Variants in PF4 observed in about 807,000 individuals in gnomAD.
The protein encoded by PF4 is platelet factor 4.
Under a neutral mutation model 6.9 loss-of-function variants are expected in PF4, and 8 were observed. That is an observed-to-expected ratio of 1.16 (90% confidence interval 0.68 to 2.09). The LOEUF (loss-of-function observed/expected upper bound fraction) is 2.09, where lower values mean the gene tolerates loss of function less well. Among genes scored for constraint, PF4 ranks in the 30% most tolerant of loss-of-function variants. The pLI, the probability that PF4 is intolerant of heterozygous loss-of-function variation, is 0.00. For missense variants in PF4, 111 were observed against 122.9 expected (o/e 0.90, Z 0.46); for synonymous variants, 55 against 56.5 (o/e 0.97, Z 0.12).
rs774670149 is a variant in PF4 at position 73,981,874 on chromosome 4, G to A, written c.80C>T (p.Ala27Val). The A allele has an allele frequency of 6.4e-7, 1 of 1,551,304 alleles. No individual in the cohort carries two copies. The highest frequency in any genetic ancestry group is 1.2e-5 in the South Asian group (1 of 84,042). Residue 27 changes from alanine to valine, a missense_variant, in exon 1 of 3, where the codon GCC (alanine) becomes GTC (valine). Ala to Val is a moderately conservative substitution (Grantham distance 64). Transcript: ENST00000296029. Reference sequence around the variant, plus strand: ...GCTTCTGCTCTCACCGCTGGCGAAGGCGACCACAAGTGGCAGGAGCAGCAA... The same window carrying A: ...GCTTCTGCTCTCACCGCTGGCGAAGACGACCACAAGTGGCAGGAGCAGCAA... ...LGLLLLPLVV[A>V]FASAEAEEDG... is the part of the protein sequence containing the mutation.
At position 73,981,374 on chromosome 4, in the gene PF4, GGCACGGAGCGGGAGCACTGACAGAT is replaced by G; in HGVS notation, c.218+18_218+42del. 6.2e-7 allele frequency: 1 copy of G among 1,614,010 alleles called. No individual in the cohort carries two copies. Among genetic ancestry groups the G allele is most frequent in the South Asian group, 1.1e-5 (1 of 91,086 alleles). On this transcript the variant is annotated intron_variant, in intron 2 of 2. Coordinates refer to ENST00000296029, the MANE Select transcript of PF4 (RefSeq NM_002619.4). ...AGAAGGGGGAGGGTTGGGCAGAGGA[GGCACGGAGCGGGAGCACTGACAGAT>G]GCAGTGCAAGGACTCACATCAGTTG...
At chr4:73,981,827 C>T (rs1467983523) in intron 1 of PF4, 36 bp downstream of exon 1, 3 of 1,548,040 alleles carry the variant, frequency 1.9e-6, no homozygotes, top group Middle Eastern at 1.9e-4. Flanking sequence ...TCCCCCTCGC[C>T]GCTGCCAGCC....
chr4:73,981,134 C>G lies in PF4; in HGVS notation c.*70G>C. On this transcript the variant is annotated 3_prime_UTR_variant, in exon 3 of 3. Transcript: ENST00000296029. ...ATAACACAAATATCAGAAGTTCTTTCACAGTTAGATTGAAACTGGAAAAAA... is the reference window on the plus strand; with the variant it reads ...ATAACACAAATATCAGAAGTTCTTTGACAGTTAGATTGAAACTGGAAAAAA... 9.6e-7 allele frequency: 1 copy of G among 1,042,036 alleles called. No individual in the cohort carries two copies. The highest frequency in any genetic ancestry group is 1.5e-6 in the Non-Finnish European group (1 of 674,454). The allele number at this position is 1,042,036 out of a possible 1,614,324, so 64.5% of individuals were successfully genotyped here.
chr4:73,981,571 A>T (rs778846371), intron 1 of PF4, 28 bp from the exon 2 acceptor site: 7 of 1,599,804 alleles, frequency 4.4e-6, no homozygotes, highest in Non-Finnish European at 6.0e-6. Flanking sequence ...AGGGTAAGAG[A>T]GGAGGAGGGG....
In PF4 at chr4:73,981,153, G is replaced by A. The variant is rs780573464; in HGVS notation, c.*51C>T. On this transcript the variant is annotated 3_prime_UTR_variant, in exon 3 of 3. Transcript: ENST00000296029. ...TTCTTTCACAGTTAGATTGAAACTGGAAAAAAGAAGTATGCTATATAGCAA... is the reference window on the plus strand; with the variant it reads ...TTCTTTCACAGTTAGATTGAAACTGAAAAAAAGAAGTATGCTATATAGCAA... 22 of 1,257,800 alleles carry A rather than the reference G, an allele frequency of 1.7e-5. No homozygotes were observed. The East Asian group carries it at 4.6e-4, about 27-fold the overall frequency. 77.9% of individuals were successfully genotyped at this position (1,257,800 alleles called of 1,614,324 possible).
At chr4:73,982,097 C>A (rs956751632), upstream of PF4, 19 of 464,928 alleles carry the variant, frequency 4.1e-5, no homozygotes, top group Non-Finnish European at 6.8e-5. Context: ...AAGTGGACAC[C>A]GAGGAACTGC....
Position 73,981,410 on chromosome 4 carries a change from G to T in PF4, c.218+7C>A. 1 of 1,614,184 alleles carries T rather than the reference G, an allele frequency of 6.2e-7. No homozygotes were observed. Among genetic ancestry groups the T allele is most frequent in the East Asian group, 2.2e-5 (1 of 44,878 alleles). ...GGAGCACTGACAGATGCAGTGCAAG[G>T]ACTCACATCAGTTGGGCAGTGGGGC... On this transcript the variant is annotated splice_region_variant and intron_variant, in intron 2 of 2. Coordinates refer to ENST00000296029, the MANE Select transcript of PF4 (RefSeq NM_002619.4).
chr4:73,981,048 A>G lies in PF4; in HGVS notation c.*156T>C, dbSNP rs935827112. The G allele has an allele frequency of 4.8e-6, 3 of 621,002 alleles. No individual in the cohort carries two copies. Among genetic ancestry groups the G allele is most frequent in the Non-Finnish European group, 8.3e-6 (3 of 360,220 alleles). 38.5% of individuals were successfully genotyped at this position (621,002 alleles called of 1,614,324 possible). ...GTGTCAACACAATTTTTGCACTATTATTAAGAAGTATTTTGACTATACTAC... is the reference window on the plus strand; with the variant it reads ...GTGTCAACACAATTTTTGCACTATTGTTAAGAAGTATTTTGACTATACTAC... On this transcript the variant is annotated 3_prime_UTR_variant, in exon 3 of 3. Transcript: ENST00000296029.
rs1252843346 is a variant in PF4 at position 73,980,889 on chromosome 4, A to G, written c.*315T>C. On this transcript the variant is annotated 3_prime_UTR_variant, in exon 3 of 3. Transcript: ENST00000296029. ...GGTCAAGGTAAATATGTAGCTATAA[A>G]GTACTGCAATCATGTAAATGCATGA... Among the ~76,000 whole-genome samples, 1 of 152,272 alleles carries G rather than the reference A, an allele frequency of 6.6e-6. No homozygotes were observed. Among genetic ancestry groups the G allele is most frequent in the Non-Finnish European group, 1.5e-5 (1 of 68,050 alleles).
intron 2 of PF4, 22 bp from the exon 3 acceptor site, chr4:73,981,313 A>G (rs572992978): frequency 2.5e-5 from 40 of 1,614,078 alleles, no homozygotes; most frequent in Non-Finnish European, 3.1e-5. Context: ...AAGAGAAGAG[A>G]TGTGACTTTC....
At chr4:73,981,384 G>T (rs773399979) in intron 2 of PF4, 33 bp downstream of exon 2, 5 of 1,614,064 alleles carry the variant, frequency 3.1e-6, no homozygotes, top group East Asian at 2.2e-5. Context: ...GGCACGGAGC[G>T]GGAGCACTGA....
rs1211023006 is a variant in PF4, at chr4:73,981,222, C to A, written c.288G>T (p.Lys96Asn). 6.2e-7 allele frequency: 1 copy of A among 1,614,042 alleles called. No individual in the cohort carries two copies. Among genetic ancestry groups the A allele is most frequent in the Non-Finnish European group, 8.5e-7 (1 of 1,179,884 alleles). The change falls in exon 3 of 3, where the codon AAG becomes AAT. Residue 96 changes from lysine (K) to asparagine (N), a missense_variant. Transcript: ENST00000296029. ...LQAPLYKKII[K>N]KLLES is the part of the protein sequence containing the mutation. ...CTAGTAGCTAACTCTCCAAAAGTTT[C>A]TTAATTATTTTCTTGTACAGCGGGG... is the stretch of plus-strand genomic sequence containing the variant.
chr4:73,981,884 G>A lies in PF4; in HGVS notation c.70C>T (p.Leu24Phe). 6.4e-7 allele frequency: 1 copy of A among 1,551,354 alleles called. No homozygotes were observed. The highest frequency in any genetic ancestry group is 8.7e-7 in the Non-Finnish European group (1 of 1,146,928). The change falls in exon 1 of 3, where the codon CTT (leucine) becomes TTT (phenylalanine). Residue 24 changes from leucine to phenylalanine, a missense_variant. Leu to Phe is a conservative substitution (Grantham distance 22, BLOSUM62 0). Transcript: ENST00000296029. Reference sequence around the variant, plus strand: ...TCACCGCTGGCGAAGGCGACCACAAGTGGCAGGAGCAGCAACCCCAGGAAC... The same window carrying A: ...TCACCGCTGGCGAAGGCGACCACAAATGGCAGGAGCAGCAACCCCAGGAAC... ...LLFLGLLLLP[L>F]VVAFASAEAE...
intron 1 of PF4, 29 bp from the exon 2 acceptor site, chr4:73,981,572 G>C (rs1330876843): frequency 6.3e-6 from 10 of 1,599,256 alleles, no homozygotes; most frequent in Middle Eastern, 1.7e-4. Context: ...GGGTAAGAGA[G>C]GAGGAGGGGA....
In PF4 at chr4:73,981,963, G is replaced by A. The variant is rs1718814640; in HGVS notation, c.-10C>T. 10 of 1,550,326 alleles carry A rather than the reference G, an allele frequency of 6.5e-6. No individual in the cohort carries two copies. In the East Asian group the frequency reaches 2.4e-4, roughly 38 times the overall value. On this transcript the variant is annotated 5_prime_UTR_variant, in exon 1 of 3. Coordinates refer to ENST00000296029, the MANE Select transcript of PF4 (RefSeq NM_002619.4). ...CGGCTGCGGAGCTCATGCTGCGGCA[G>A]AGCTTCCAGCAGGATCTCAGTGCTC...
Position 73,981,067 on chromosome 4 carries a change from ATAC to A in PF4, c.*134_*136del. 3 of 673,850 alleles carry A rather than the reference ATAC, an allele frequency of 4.5e-6. No individual in the cohort carries two copies. Among genetic ancestry groups the A allele is most frequent in the East Asian group, 2.7e-5 (1 of 36,518 alleles). 41.7% of individuals were successfully genotyped at this position (673,850 alleles called of 1,614,324 possible). ...ACTATTATTAAGAAGTATTTTGACT[ATAC>A]TACAACTTGATTTATTTTGTTTATT... On this transcript the variant is annotated 3_prime_UTR_variant, in exon 3 of 3. Transcript: ENST00000296029.
Position 73,981,005 on chromosome 4 carries a change from C to A in PF4, c.*199G>T. 1 of 557,512 alleles carries A rather than the reference C, an allele frequency of 1.8e-6. No homozygotes were observed. Among genetic ancestry groups the A allele is most frequent in the African/African-American group, 1.9e-5 (1 of 53,228 alleles). The allele number at this position is 557,512 out of a possible 1,614,324, so 34.5% of individuals were successfully genotyped here. A position where few individuals can be genotyped will look rare whatever the true frequency, so the allele number is the denominator to read the frequency against. Reference sequence around the variant, plus strand: ...TTGCTTAAAATACCGGAATTTTTTTCTTCCATGAAATTGTTATGTGTCAAC... The same window carrying A: ...TTGCTTAAAATACCGGAATTTTTTTATTCCATGAAATTGTTATGTGTCAAC... On this transcript the variant is annotated 3_prime_UTR_variant, in exon 3 of 3. Coordinates refer to ENST00000296029, the MANE Select transcript of PF4 (RefSeq NM_002619.4).
intron 1 of PF4, 151 bp downstream of exon 1, chr4:73,981,712 G>T: frequency 6.8e-7 from 1 of 1,473,512 alleles, no homozygotes; most frequent in Non-Finnish European, 9.0e-7. Flanking sequence ...GGAGGTGCAG[G>T]TGCAGCGCCT....
rs1413652716 is a variant in PF4, at chr4:73,981,044, T to C, written c.*160A>G. The C allele has an allele frequency of 1.8e-5, 11 of 610,732 alleles. No homozygotes were observed. The highest frequency in any genetic ancestry group is 2.5e-5 in the Non-Finnish European group (9 of 354,350). 37.8% of individuals were successfully genotyped at this position (610,732 alleles called of 1,614,324 possible). A position where few individuals can be genotyped will look rare whatever the true frequency, so the allele number is the denominator to read the frequency against. ...TTATGTGTCAACACAATTTTTGCACTATTATTAAGAAGTATTTTGACTATA... is the reference window on the plus strand; with the variant it reads ...TTATGTGTCAACACAATTTTTGCACCATTATTAAGAAGTATTTTGACTATA... On this transcript the variant is annotated 3_prime_UTR_variant, in exon 3 of 3. Coordinates refer to ENST00000296029, the MANE Select transcript of PF4 (RefSeq NM_002619.4).
Sources: allele counts gnomAD v4.1 joint callset (sites outside exome capture counted in the v4.1 genomes callset), GRCh38; gene constraint gnomAD v4.1.1; transcripts MANE v1.5; gene names NCBI Gene and HGNC (gene_info 2026-07-23, HGNC 2026-07-21).